CLYBL: variants seen among roughly 807,000 people sequenced by gnomAD.
The protein encoded by CLYBL is citramalyl-CoA lyase.
In CLYBL, 31 loss-of-function variants were observed where a neutral mutation model predicts 38.9. The ratio of observed to expected loss-of-function variants is 0.80; its 90% CI spans 0.60 to 1.08. The LOEUF is 1.08. Ranked by LOEUF, CLYBL falls within the 50% of genes least tolerant of loss-of-function variation. The probability of loss-of-function intolerance (pLI) is 0.00; values close to 1 mark genes in which losing one functional copy is unlikely to be tolerated. For synonymous variants in CLYBL, 171 were observed against 158.6 expected (o/e 1.08, Z -0.59); for missense variants, 434 against 411.6 (o/e 1.05, Z -0.47).
intron 2 of CLYBL, among the ~76,000 whole-genome samples, chr13:99,843,483 T>C (rs893627508): frequency 1.8e-4 from 28 of 152,164 alleles, no homozygotes; most frequent in Non-Finnish European, 4.0e-4. Context: ...ATAAGTTCCA[T>C]GTAGGCAGGG....
chr13:99,708,025 C>T (rs575661691), intron 1 of CLYBL, among the ~76,000 whole-genome samples: 4 of 152,040 alleles, frequency 2.6e-5, no homozygotes, highest in Non-Finnish European at 5.9e-5. Flanking sequence ...GCTCTGTCAC[C>T]CAGGCTGGAT....
chr13:99,624,046 A>T (rs57167041), intron 1 of CLYBL, among the ~76,000 whole-genome samples: 2,036 of 152,082 alleles, frequency 0.013, 48 homozygotes, highest in African/African-American at 0.046. Flanking sequence ...TAAACAGTGG[A>T]TGTAAAAAGC....
chr13:99,822,712 G>A (rs1393769308), intron 2 of CLYBL, among the ~76,000 whole-genome samples: 2 of 152,236 alleles, frequency 1.3e-5, no homozygotes, highest in East Asian at 3.8e-4. Flanking sequence ...GCCCCAAAGT[G>A]TTGAGGAATT....
intron 1 of CLYBL, among the ~76,000 whole-genome samples, chr13:99,724,003 T>C (rs1049248037): frequency 5.9e-5 from 9 of 152,216 alleles, no homozygotes; most frequent in Admixed American, 3.9e-4. Context: ...CTTATCCTTT[T>C]TGCTGCAATG....
chr13:99,724,064 T>C (rs1161132977), intron 1 of CLYBL, among the ~76,000 whole-genome samples: 1 of 152,216 alleles, frequency 6.6e-6, no homozygotes, highest in East Asian at 1.9e-4. Context: ...TGTTTTTTGC[T>C]GTACCTCAGA....
In CLYBL at chr13:99,873,971, A is replaced by AAT. The variant is rs1460228147; in HGVS notation, c.927+2910_927+2911dup. Reference sequence around the variant, plus strand: ...ATCACTTTACATTAAAACAAATAACAATCAGCTCATATCATCTGTCCCTGT... The same window carrying AAT: ...ATCACTTTACATTAAAACAAATAACAATATCAGCTCATATCATCTGTCCCTGT... On this transcript the variant is annotated intron_variant, in intron 7 of 8. Coordinates refer to ENST00000339105, the MANE Select transcript of CLYBL (RefSeq NM_206808.5). Among the ~76,000 whole-genome samples, 5 of 135,882 alleles carry AAT rather than the reference A, an allele frequency of 3.7e-5. No individual in the cohort carries two copies. The East Asian group carries it at 9.7e-4, about 26-fold the overall frequency. 89.1% of individuals were successfully genotyped at this position (135,882 alleles called of 152,430 possible).
rs568256785 is a variant in CLYBL, at chr13:99,619,828, C to A, written c.62+13071C>A. On this transcript the variant is annotated intron_variant, in intron 1 of 8. Transcript: ENST00000339105. The stretch of plus-strand genomic sequence containing the variant: ...GAATTATTGCCCTCAAGTAAGACGA[C>A]CTTGGGGAATTCAGAAATAAAAAGT... Among the ~76,000 whole-genome samples the A allele has an allele frequency of 6.6e-4, 100 of 152,300 alleles. 2 individuals are homozygous for A. The highest frequency in any genetic ancestry group is 2.3e-3 in the African/African-American group (94 of 41,562).
intron 1 of CLYBL, among the ~76,000 whole-genome samples, chr13:99,764,567 C>T (rs986037831): frequency 5.3e-5 from 8 of 151,948 alleles, no homozygotes; most frequent in African/African-American, 1.5e-4. Context: ...TTTGTATTTC[C>T]GTGGTCTCAA....
intron 1 of CLYBL, among the ~76,000 whole-genome samples, chr13:99,677,654 T>TG (rs1566607274): frequency 6.6e-6 from 1 of 152,256 alleles, no homozygotes; most frequent in Admixed American, 6.5e-5. Flanking sequence ...TCTGTGACTG[T>TG]ATTTAGTTCA....
At chr13:99,898,195 T>G (rs2052604522), downstream of CLYBL, among the ~76,000 whole-genome samples, 1 of 152,194 alleles carries the variant, frequency 6.6e-6, no homozygotes, top group Non-Finnish European at 1.5e-5. Context: ...ATAGCTGGTT[T>G]GGCTGGGTTC....
intron 2 of CLYBL, among the ~76,000 whole-genome samples, chr13:99,797,560 T>TTGTGTGTGTGTGTGTGTGTG (rs3033584): frequency 0.082 from 11,569 of 141,576 alleles, 702 homozygotes; most frequent in African/African-American, 0.14. Flanking sequence ...TGTTAGCTGT[T>TTGTGTGTGTGTGTGTGTGTG]TGTGTGTGTG....
chr13:99,695,229 A>T (rs1378816404), intron 1 of CLYBL, among the ~76,000 whole-genome samples: 1 of 152,068 alleles, frequency 6.6e-6, no homozygotes, highest in Admixed American at 6.6e-5. Context: ...CTGCTGGGGG[A>T]TCAGTTCCTT....
At chr13:99,625,597 G>A (rs2046858614) in intron 1 of CLYBL, among the ~76,000 whole-genome samples, 2 of 152,166 alleles carry the variant, frequency 1.3e-5, no homozygotes, top group African/African-American at 4.8e-5. Context: ...TTAAATCTGG[G>A]TTTTAGGAAG....
chr13:99,875,101 A>G (rs9585252), intron 7 of CLYBL, among the ~76,000 whole-genome samples: 9,444 of 152,236 alleles, frequency 0.062, 977 homozygotes, highest in African/African-American at 0.21. Flanking sequence ...CCTTCGTTAT[A>G]GCTTCACAAG....
chr13:99,891,412 G>T lies in CLYBL; in HGVS notation c.1022G>T (p.Ter341LeuextTer4). The T allele has an allele frequency of 6.2e-7, 1 of 1,610,226 alleles. No homozygotes were observed. Among genetic ancestry groups the T allele is most frequent in the South Asian group, 1.1e-5 (1 of 90,982 alleles). Residue 341 changes from the stop codon to leucine, a stop_lost, in exon 8 of 9, where the codon TGA becomes TTA. Transcript: ENST00000339105. ...CTTGCCACCTCCATCAAGGAAAAAT[G>T]ATCTGTTAAATGAAGCTGTCATCAG... ...VTLATSIKEK* is the reference protein window; with the variant it reads ...VTLATSIKEKL
intron 1 of CLYBL, among the ~76,000 whole-genome samples, chr13:99,654,960 G>A (rs577917093): frequency 5.9e-4 from 90 of 152,148 alleles, no homozygotes; most frequent in African/African-American, 1.2e-3. Flanking sequence ...AGCCGAGATC[G>A]CGCTCCGAAG....
chr13:99,882,818 A>G (rs2052245145), intron 7 of CLYBL, among the ~76,000 whole-genome samples: 2 of 152,192 alleles, frequency 1.3e-5, no homozygotes, highest in East Asian at 1.9e-4. Context: ...TAACTAGAGT[A>G]GAGGTTATAG....
At chr13:99,756,007 ACTT>A (rs1185044636) in intron 1 of CLYBL, among the ~76,000 whole-genome samples, 4 of 152,128 alleles carry the variant, frequency 2.6e-5, no homozygotes, top group African/African-American at 4.8e-5. Flanking sequence ...AAATTATAAG[ACTT>A]CTTCTCCACT....
intron 1 of CLYBL, among the ~76,000 whole-genome samples, chr13:99,666,460 C>G (rs9582331): frequency 0.096 from 14,544 of 152,172 alleles, 813 homozygotes; most frequent in African/African-American, 0.15. Context: ...AGAACCTGTT[C>G]TGCACCACAA....
Sources: allele counts gnomAD v4.1 joint callset (sites outside exome capture counted in the v4.1 genomes callset), GRCh38; gene constraint gnomAD v4.1.1; transcripts MANE v1.5; gene names NCBI Gene and HGNC (gene_info 2026-07-23, HGNC 2026-07-21).